LANCL3: variants seen among roughly 807,000 people sequenced by gnomAD.
The protein encoded by LANCL3 is LanC like family member 3, also known as lanC-like protein 3.
LANCL3 carries 19 observed loss-of-function variants against 26.5 expected under a neutral mutation model. The ratio of observed to expected loss-of-function variants is 0.72; its 90% confidence interval spans 0.50 to 1.05. The LOEUF (loss-of-function observed/expected upper bound fraction) is 1.05. LANCL3 is among the 50% of genes least tolerant of loss of function. LANCL3 has a pLI of 0.00. For synonymous variants in LANCL3, 160 were observed against 166.6 expected (o/e 0.96, Z 0.30); for missense variants, 318 against 362.7 (o/e 0.88, Z 1.00).
rs528745522 is a variant in LANCL3, at chrX:37,572,170, C to G, written c.300C>G (p.Ile100Met). 264 of 1,185,688 alleles carry G rather than the reference C, an allele frequency of 2.2e-4. 1 individual carries two copies. The South Asian group carries it at 3.0e-3, about 14-fold the overall frequency. ...ACCTGCGCTCGGCTAAGCGCCTCAT[C>G]GACGCGTGCGCCCGCGCTGAGGAGT... is the stretch of plus-strand genomic sequence containing the variant. ...ERYLRSAKRL[I>M]DACARAEEWG... Residue 100 changes from isoleucine (I) to methionine (M), a missense_variant, in exon 1 of 5, where the codon ATC becomes ATG. Coordinates refer to ENST00000378619, the MANE Select transcript of LANCL3 (RefSeq NM_001170331.2).
At chrX:37,619,085 A>G (rs1161587777) in intron 1 of LANCL3, among the ~76,000 whole-genome samples, 1 of 111,672 alleles carries the variant, frequency 9.0e-6, no homozygotes, top group Non-Finnish European at 1.9e-5. Context: ...CTGTTTGAAG[A>G]CATAATTGTG....
At chrX:37,609,527 A>G (rs889097011) in intron 1 of LANCL3, among the ~76,000 whole-genome samples, 1 of 111,955 alleles carries the variant, frequency 8.9e-6, no homozygotes, top group African/African-American at 3.3e-5. Flanking sequence ...TGTAGATGCT[A>G]AAAGAGATAC....
At chrX:37,585,471 TG>T (rs1924039744) in intron 1 of LANCL3, among the ~76,000 whole-genome samples, 1 of 112,106 alleles carries the variant, frequency 8.9e-6, no homozygotes, top group Admixed American at 9.4e-5. Context: ...TTTATGAATC[TG>T]GGTGCTCCTG....
At chrX:37,606,718 G>A (rs3952153) in intron 1 of LANCL3, among the ~76,000 whole-genome samples, 12,716 of 111,268 alleles carry the variant, frequency 0.11, 800 homozygotes, top group African/African-American at 0.23. Flanking sequence ...TCCCACGTAC[G>A]TGTACTCCTA....
At chrX:37,648,055 C>A (rs985552335) in intron 1 of LANCL3, among the ~76,000 whole-genome samples, 3 of 112,651 alleles carry the variant, frequency 2.7e-5, no homozygotes, top group African/African-American at 9.7e-5. Flanking sequence ...ACTCTCACTT[C>A]ACTTTGTTAG....
At chrX:37,623,944 T>G (rs190391649) in intron 1 of LANCL3, among the ~76,000 whole-genome samples, 10 of 112,409 alleles carry the variant, frequency 8.9e-5, no homozygotes, top group Non-Finnish European at 1.7e-4. Flanking sequence ...TACATATAGA[T>G]CTGCCTTATT....
chrX:37,634,438 G>A (rs782049003), intron 1 of LANCL3, among the ~76,000 whole-genome samples: 64 of 112,860 alleles, frequency 5.7e-4, no homozygotes, highest in African/African-American at 1.6e-3. Context: ...CACATGGTGC[G>A]CTGCACCCAC....
At chrX:37,577,626 T>C (rs1923786515) in intron 1 of LANCL3, among the ~76,000 whole-genome samples, 4 of 112,518 alleles carry the variant, frequency 3.6e-5, no homozygotes, top group Non-Finnish European at 7.5e-5. Flanking sequence ...GGTTTGGAAG[T>C]TGCTGTGATG....
intron 1 of LANCL3, among the ~76,000 whole-genome samples, chrX:37,616,193 C>T (rs939648712): frequency 1.8e-4 from 20 of 111,115 alleles, no homozygotes; most frequent in African/African-American, 5.9e-4. Context: ...ACTCTCTATC[C>T]ACTCCTACCA....
intron 1 of LANCL3, among the ~76,000 whole-genome samples, chrX:37,638,164 C>G (rs1226028684): frequency 9.0e-6 from 1 of 111,648 alleles, no homozygotes; most frequent in African/African-American, 3.3e-5. Flanking sequence ...AGACCCATGT[C>G]ACCAAGAGAG....
At chrX:37,632,590 G>A (rs1257617200) in intron 1 of LANCL3, among the ~76,000 whole-genome samples, 13 of 110,776 alleles carry the variant, frequency 1.2e-4, no homozygotes, top group Admixed American at 4.8e-4. Context: ...AGTGGCTGGT[G>A]CCAGTTGTTC....
rs1184439840 is a variant in LANCL3, at chrX:37,684,256, T to C, written c.*8443T>C. The C allele has an allele frequency of 8.9e-6, 1 of 112,591 alleles. No individual in the cohort carries two copies. The highest frequency in any genetic ancestry group is 1.9e-5 in the Non-Finnish European group (1 of 53,333). 9.3% of individuals were successfully genotyped at this position (112,591 alleles called of 1,213,427 possible). A position where few individuals can be genotyped will look rare whatever the true frequency, so the allele number is the denominator to read the frequency against. Reference sequence around the variant, plus strand: ...ATGGTTTTTACAACTGCTGTTACAATGTTCTAAACACTGTGATCTTTCCAA... The same window carrying C: ...ATGGTTTTTACAACTGCTGTTACAACGTTCTAAACACTGTGATCTTTCCAA... On this transcript the variant is annotated 3_prime_UTR_variant, in exon 5 of 5. Coordinates refer to ENST00000378619, the MANE Select transcript of LANCL3 (RefSeq NM_001170331.2).
intron 3 of LANCL3, among the ~76,000 whole-genome samples, chrX:37,666,599 G>A (rs1926552389): frequency 9.0e-6 from 1 of 111,637 alleles, no homozygotes; most frequent in Admixed American, 9.5e-5. Context: ...CAGAACTTGG[G>A]GAAAATCATT....
intron 1 of LANCL3, among the ~76,000 whole-genome samples, chrX:37,606,243 T>C (rs1013698604): frequency 9.0e-6 from 1 of 111,391 alleles, no homozygotes; most frequent in Non-Finnish European, 1.9e-5. Context: ...AAGGTTTTTA[T>C]TGGGGGGTGG....
intron 3 of LANCL3, among the ~76,000 whole-genome samples, chrX:37,664,814 G>A (rs1469748920): frequency 9.0e-6 from 1 of 111,717 alleles, no homozygotes; most frequent in African/African-American, 3.3e-5. Context: ...GAGAACATGT[G>A]GTGCTTGGTT....
intron 1 of LANCL3, among the ~76,000 whole-genome samples, chrX:37,609,843 T>A (rs1924818747): frequency 9.0e-6 from 1 of 111,452 alleles, no homozygotes; most frequent in African/African-American, 3.3e-5. Context: ...GCATGCAGAT[T>A]GAGGGGAGAA....
At chrX:37,657,981 C>T (rs1926326969) in intron 2 of LANCL3, among the ~76,000 whole-genome samples, 1 of 111,987 alleles carries the variant, frequency 8.9e-6, no homozygotes, top group South Asian at 3.7e-4. Context: ...TAGTACTGCC[C>T]ACTAATCGGG....
chrX:37,655,766 A>C lies in LANCL3; in HGVS notation c.652A>C (p.Lys218Gln). Residue 218 changes from lysine to glutamine, a missense_variant, in exon 2 of 5, where the codon AAA (lysine) becomes CAA (glutamine). Lys to Gln is a moderately conservative substitution (Grantham distance 53). Transcript: ENST00000378619. ...SGKQYAIKKR[K>Q]PFPLMYSYYG... ...GAAGCAGTATGCCATAAAGAAGAGG[A>C]AACCATTCCCCCTGATGTATTCTTA... 2 of 1,205,582 alleles carry C rather than the reference A, an allele frequency of 1.7e-6. No individual in the cohort carries two copies. The highest frequency in any genetic ancestry group is 3.5e-5 in the South Asian group (2 of 56,585).
chrX:37,615,494 C>T (rs1556421611), intron 1 of LANCL3, among the ~76,000 whole-genome samples: 1 of 112,130 alleles, frequency 8.9e-6, no homozygotes, highest in African/African-American at 3.2e-5. Flanking sequence ...CCTAACTGCT[C>T]TGCTTAGGTG....
Sources: gnomAD v4.1 joint callset for allele counts (sites outside exome capture counted in the v4.1 genomes callset) on GRCh38, gnomAD v4.1.1 for gene constraint, MANE v1.5 for transcripts, NCBI Gene and HGNC (gene_info 2026-07-23, HGNC 2026-07-21) for gene names.